The following SLMAP variants were observed in gnomAD, a reference collection of about 807,000 sequenced individuals.
The protein encoded by SLMAP is sarcolemma associated protein, also known as sarcolemmal membrane-associated protein.
SLMAP carries 44 observed loss-of-function variants against 128.8 expected under a neutral mutation model. That is an observed-to-expected ratio of 0.34 (90% CI 0.27 to 0.44). The LOEUF (loss-of-function observed/expected upper bound fraction) is 0.44. Among genes scored for constraint, SLMAP ranks in the 20% least tolerant of loss-of-function variants. The probability of loss-of-function intolerance (pLI) is 1.00; values close to 1 mark genes in which losing one functional copy is unlikely to be tolerated. For missense variants in SLMAP, 787 were observed against 985.3 expected, an observed-to-expected ratio of 0.80 and a Z score of 2.69; for synonymous variants, 327 against 348.8, an observed-to-expected ratio of 0.94 and a Z score of 0.70.
chr3:57,860,199 C>T (rs998098391), intron 8 of SLMAP, among the ~76,000 whole-genome samples: 2 of 152,118 alleles, frequency 1.3e-5, no homozygotes, highest in Non-Finnish European at 2.9e-5. Flanking sequence ...CATCTTTGGT[C>T]TGTGTAAATG....
rs1012040557 is a variant in SLMAP at position 57,884,406 on chromosome 3, G to C, written c.1301-5635G>C. ...GGAAAAGTGGGAGAGTTAAATGAAA[G>C]TCTCTGTACTGAATCAGAATGCTCG... is the stretch of plus-strand genomic sequence containing the variant. On this transcript the variant is annotated intron_variant, in intron 14 of 24. Transcript: ENST00000671191. 1.8e-4 allele frequency among the ~76,000 whole-genome samples: 27 copies of C among 152,296 alleles called. 1 individual carries two copies. Among genetic ancestry groups the C allele is most frequent in the South Asian group, 1.5e-3 (7 of 4,820 alleles).
intron 2 of SLMAP, among the ~76,000 whole-genome samples, chr3:57,759,289 T>C (rs2078163854): frequency 6.6e-6 from 1 of 152,138 alleles, no homozygotes; most frequent in Non-Finnish European, 1.5e-5. Context: ...CTTTTTTTTT[T>C]TTTTTGAGAC....
chr3:57,879,535 C>T (rs1449195439), intron 14 of SLMAP, among the ~76,000 whole-genome samples: 1 of 152,132 alleles, frequency 6.6e-6, no homozygotes, highest in Non-Finnish European at 1.5e-5. Context: ...AAAAGCCTGA[C>T]ACACTATATG....
At chr3:57,919,358 G>A (rs753476891) in intron 22 of SLMAP, among the ~76,000 whole-genome samples, 9 of 151,204 alleles carry the variant, frequency 6.0e-5, no homozygotes, top group Non-Finnish European at 1.2e-4. Flanking sequence ...TCCAGCCTGG[G>A]CAACAAGAGC....
intron 2 of SLMAP, among the ~76,000 whole-genome samples, chr3:57,778,775 T>A (rs966781402): frequency 4.6e-5 from 7 of 151,936 alleles, no homozygotes; most frequent in Non-Finnish European, 1.0e-4. Context: ...AGGGGCTCTG[T>A]ATGTTGCCCA....
At position 57,927,761 on chromosome 3, in the gene SLMAP, T is replaced by C. The variant is rs1423795400; in HGVS notation, c.*472T>C. 1 of 154,122 alleles carries C rather than the reference T, an allele frequency of 6.5e-6. No homozygotes were observed. Among genetic ancestry groups the C allele is most frequent in the Non-Finnish European group, 1.4e-5 (1 of 69,062 alleles). The allele number at this position is 154,122 out of a possible 1,614,324, so 9.5% of individuals were successfully genotyped here. A position where few individuals can be genotyped will look rare whatever the true frequency, so the allele number is the denominator to read the frequency against. Reference sequence around the variant, plus strand: ...TCACCAGATAATTCATTTTTCTGATTTGATAACTACCCAAACCAAACAACC... The same window carrying C: ...TCACCAGATAATTCATTTTTCTGATCTGATAACTACCCAAACCAAACAACC... On this transcript the variant is annotated 3_prime_UTR_variant, in exon 25 of 25. Transcript: ENST00000671191.
At chr3:57,796,933 A>T (rs2086866479) in intron 2 of SLMAP, among the ~76,000 whole-genome samples, 1 of 152,106 alleles carries the variant, frequency 6.6e-6, no homozygotes, top group South Asian at 2.1e-4. Flanking sequence ...TAATCTCAGC[A>T]CTTTGGGAGA....
intron 14 of SLMAP, among the ~76,000 whole-genome samples, chr3:57,886,397 C>T (rs1289020179): frequency 6.6e-6 from 1 of 152,062 alleles, no homozygotes; most frequent in Non-Finnish European, 1.5e-5. Context: ...CTGCACCCAG[C>T]TTAAAAGTAT....
At chr3:57,925,461 G>A (rs1035703703) in intron 23 of SLMAP, among the ~76,000 whole-genome samples, 13 of 151,634 alleles carry the variant, frequency 8.6e-5, no homozygotes, top group African/African-American at 3.2e-4. Context: ...CAGAGTAGCT[G>A]GGATTACAGG....
intron 14 of SLMAP, among the ~76,000 whole-genome samples, chr3:57,879,357 A>G (rs1318131420): frequency 1.3e-5 from 2 of 152,126 alleles, no homozygotes; most frequent in Non-Finnish European, 2.9e-5. Flanking sequence ...AACATATTAT[A>G]CTCTCAGTTC....
chr3:57,912,472 C>A lies in SLMAP; in HGVS notation c.1791C>A (p.Ala597=). The change falls in exon 20 of 25, where the codon GCC becomes GCA. Residue 597 remains alanine (A), a synonymous_variant. Transcript: ENST00000671191. The part of the protein sequence containing the change: ...ITSTRDELLS[A]RDEILLLHQA... ...GTACTAGAGATGAATTGCTTAGTGCCCGAGATGAAATTTTGCTCCTTCATC... is the reference window on the plus strand; with the variant it reads ...GTACTAGAGATGAATTGCTTAGTGCACGAGATGAAATTTTGCTCCTTCATC... 6.2e-7 allele frequency: 1 copy of A among 1,614,044 alleles called. No individual in the cohort carries two copies. Among genetic ancestry groups the A allele is most frequent in the East Asian group, 2.2e-5 (1 of 44,876 alleles).
chr3:57,872,990 G>T (rs1434746943), intron 14 of SLMAP, among the ~76,000 whole-genome samples: 1 of 152,100 alleles, frequency 6.6e-6, no homozygotes, highest in East Asian at 1.9e-4. Flanking sequence ...AGGAGCGCTT[G>T]GGGGTTCTAT....
chr3:57,922,521 C>T (rs1403052369), intron 22 of SLMAP, among the ~76,000 whole-genome samples: 2 of 151,520 alleles, frequency 1.3e-5, no homozygotes, highest in East Asian at 1.9e-4. Context: ...CTCTGCCTCC[C>T]GGGTTCAAGC....
At chr3:57,820,760 C>G (rs986625868) in intron 2 of SLMAP, among the ~76,000 whole-genome samples, 3 of 152,182 alleles carry the variant, frequency 2.0e-5, no homozygotes, top group African/African-American at 7.2e-5. Flanking sequence ...TCTGGTCCTG[C>G]TCCTCCTGGT....
chr3:57,853,955 T>TTTTATATATATA (rs1491461131), intron 6 of SLMAP, among the ~76,000 whole-genome samples: 8 of 31,938 alleles, frequency 2.5e-4, no homozygotes, highest in African/African-American at 5.6e-4. Context: ...AAAAAAAAAA[T>TTTTATATATATA]TATATATATA....
Position 57,817,141 on chromosome 3 carries a change from T to A in SLMAP, c.199-14242T>A, listed in dbSNP as rs373132211. 4.6e-5 allele frequency among the ~76,000 whole-genome samples: 7 copies of A among 152,274 alleles called. No individual in the cohort carries two copies. The East Asian group carries it at 1.3e-3, about 29-fold the overall frequency. On this transcript the variant is annotated intron_variant, in intron 2 of 24. Transcript: ENST00000671191. ...TGTGTTTTAGGAAATAAGTCTAGCA[T>A]CAGTGTGGAGGGTGTAGAGTGTGGA...
intron 17 of SLMAP, chr3:57,901,284 C>T (rs2096373916): frequency 6.6e-6 from 1 of 152,204 alleles, no homozygotes; most frequent in African/African-American, 2.4e-5. Context: ...CACAGGGAGA[C>T]TTACTCCCTC....
Position 57,925,851 on chromosome 3 carries a change from A to T in SLMAP, c.2452A>T (p.Ile818Leu). The T allele has an allele frequency of 6.4e-7, 1 of 1,550,624 alleles. No individual in the cohort carries two copies. The highest frequency in any genetic ancestry group is 8.7e-7 in the Non-Finnish European group (1 of 1,146,732). ...LLREKGNNPS[I>L]LQPVPAVFIG... ...TATGCCTTCCCTTCTTTAGCCTTCC[A>T]TATTACAACCCGTCCCAGCCGTATT... The change falls in exon 24 of 25, where the codon ATA becomes TTA. Residue 818 changes from isoleucine (I) to leucine (L), a missense_variant. Around this residue, in one of 2 missense-constraint regions of SLMAP, gnomAD observed 715 missense variants for 843.6 expected, o/e 0.85. Coordinates refer to ENST00000671191, the MANE Select transcript of SLMAP (RefSeq NM_001377540.1).
chr3:57,913,066 T>C, intron 20 of SLMAP, 92 bp from the exon 21 acceptor site: 1 of 656,970 alleles, frequency 1.5e-6, no homozygotes, highest in Non-Finnish European at 2.7e-6. Context: ...GGGCAAAAAG[T>C]ATGTTCTCCT....
Sources: gnomAD v4.1 joint callset for allele counts (sites outside exome capture counted in the v4.1 genomes callset) on GRCh38, gnomAD v4.1.1 for gene constraint, gnomAD v4.1.1 regional missense constraint, MANE v1.5 for transcripts, NCBI Gene and HGNC (gene_info 2026-07-23, HGNC 2026-07-21) for gene names.